CCSER1: variants seen among roughly 807,000 people sequenced by gnomAD.
The protein encoded by CCSER1 is coiled-coil serine rich protein 1, also known as serine-rich coiled-coil domain-containing protein 1.
In CCSER1, 41 loss-of-function variants were observed where a neutral mutation model predicts 82.0. The observed-to-expected ratio is 0.50, with a 90% CI of 0.39 to 0.65. The LOEUF (loss-of-function observed/expected upper bound fraction) is 0.65. Ranked by LOEUF, CCSER1 falls within the 30% of genes least tolerant of loss-of-function variation. The probability of loss-of-function intolerance (pLI) is 0.00; values close to 1 mark genes in which losing one functional copy is unlikely to be tolerated. For missense variants in CCSER1, 1,119 were observed against 1,064.2 expected, an observed-to-expected ratio of 1.05 and a Z score of -0.72; for synonymous variants, 414 against 383.9, an observed-to-expected ratio of 1.08 and a Z score of -0.92.
At chr4:91,247,478 T>C (rs934435159) in intron 10 of CCSER1, among the ~76,000 whole-genome samples, 6 of 152,204 alleles carry the variant, frequency 3.9e-5, no homozygotes, top group South Asian at 4.1e-4. Context: ...GACACACATA[T>C]ATTTCCTCGG....
At chr4:91,280,181 C>T (rs1742807742) in intron 10 of CCSER1, among the ~76,000 whole-genome samples, 1 of 152,202 alleles carries the variant, frequency 6.6e-6, no homozygotes, top group South Asian at 2.1e-4. Context: ...AGCAGTAATG[C>T]TGGCACCAGT....
At chr4:90,686,212 A>G (rs6856591) in intron 6 of CCSER1, among the ~76,000 whole-genome samples, 117,910 of 151,910 alleles carry the variant, frequency 0.78, 45,917 homozygotes, top group Middle Eastern at 0.81. Context: ...TCAGAGCTTC[A>G]TCCACCCCTC....
intron 9 of CCSER1, among the ~76,000 whole-genome samples, chr4:91,006,296 G>A (rs1023784479): frequency 6.6e-6 from 1 of 150,632 alleles, no homozygotes; most frequent in Non-Finnish European, 1.5e-5. Context: ...TTTTTTTTGT[G>A]TGCTATCAGC....
At chr4:91,490,980 C>CA (rs1175820130) in intron 10 of CCSER1, among the ~76,000 whole-genome samples, 7 of 119,202 alleles carry the variant, frequency 5.9e-5, no homozygotes, top group Non-Finnish European at 8.6e-5. Context: ...AAAAAATAAG[C>CA]AAAAAGGCCA....
At chr4:90,498,672 A>C (rs1283760276) in intron 5 of CCSER1, among the ~76,000 whole-genome samples, 1 of 152,168 alleles carries the variant, frequency 6.6e-6, no homozygotes, top group Non-Finnish European at 1.5e-5. Context: ...TTAGATGATA[A>C]AAATTCTAAG....
rs181117738 is a variant in CCSER1, at chr4:90,886,447, A to G, written c.2095-36923A>G. ...GAAATGCCTGTCACTGTTTCAGTGA[A>G]TTTTAAACACCATTGGGGGAGAAAA... On this transcript the variant is annotated intron_variant, in intron 8 of 10. Transcript: ENST00000509176. Among the ~76,000 whole-genome samples, 18 of 152,310 alleles carry G rather than the reference A, an allele frequency of 1.2e-4. No individual in the cohort carries two copies. In the East Asian group the frequency reaches 3.1e-3, roughly 26 times the overall value.
chr4:90,694,797 G>GGTGTGTGT (rs112192037), intron 6 of CCSER1, among the ~76,000 whole-genome samples: 9,637 of 145,340 alleles, frequency 0.066, 337 homozygotes, highest in Admixed American at 0.11. Flanking sequence ...GTGTGTGTGG[G>GGTGTGTGT]GTGTGTGTGT....
chr4:90,897,052 A>T lies in CCSER1; in HGVS notation c.2095-26318A>T, dbSNP rs796369936. Among the ~76,000 whole-genome samples, 12 of 152,096 alleles carry T rather than the reference A, an allele frequency of 7.9e-5. No homozygotes were observed. The South Asian group carries it at 2.1e-3, about 26-fold the overall frequency. ...TTTTCCTTTTTTCTCTGAAAATTGT[A>T]TTTCAATTGAATTTTGTTTTATATT... On this transcript the variant is annotated intron_variant, in intron 8 of 10. Transcript: ENST00000509176.
intron 7 of CCSER1, among the ~76,000 whole-genome samples, chr4:90,787,189 A>C (rs768344762): frequency 6.6e-5 from 10 of 152,142 alleles, no homozygotes; most frequent in Non-Finnish European, 1.0e-4. Flanking sequence ...TTCCTCCAGG[A>C]TATGAGGTGG....
chr4:90,756,620 T>C (rs1749573512), intron 7 of CCSER1, among the ~76,000 whole-genome samples: 1 of 152,202 alleles, frequency 6.6e-6, no homozygotes, highest in African/African-American at 2.4e-5. Context: ...CTAATTTTAA[T>C]TTTGATATAT....
intron 1 of CCSER1, among the ~76,000 whole-genome samples, chr4:90,195,750 A>G (rs79700383): frequency 6.6e-6 from 1 of 152,084 alleles, no homozygotes; most frequent in Admixed American, 6.6e-5. Flanking sequence ...TATCATGTCA[A>G]CAAAGAGATA....
At chr4:91,569,638 G>A (rs941472701) in intron 10 of CCSER1, among the ~76,000 whole-genome samples, 1 of 152,056 alleles carries the variant, frequency 6.6e-6, no homozygotes. Flanking sequence ...CAGATCTCAT[G>A]AGAACTCACT....
chr4:91,501,679 G>A (rs1015067751), intron 10 of CCSER1, among the ~76,000 whole-genome samples: 13 of 151,762 alleles, frequency 8.6e-5, no homozygotes, highest in African/African-American at 3.1e-4. Flanking sequence ...CTTTTAACAT[G>A]TTATTTTTTC....
intron 8 of CCSER1, among the ~76,000 whole-genome samples, chr4:90,914,978 C>A (rs1163526514): frequency 6.6e-6 from 1 of 152,096 alleles, no homozygotes; most frequent in Non-Finnish European, 1.5e-5. Flanking sequence ...GAAGGTGAAT[C>A]TCTGAATAGA....
intron 3 of CCSER1, among the ~76,000 whole-genome samples, chr4:90,315,597 C>T (rs923472017): frequency 1.3e-5 from 2 of 151,996 alleles, no homozygotes; most frequent in East Asian, 1.9e-4. Context: ...CTCCCCTCCC[C>T]GGTTCAAGTG....
chr4:90,945,799 C>T (rs879701251), intron 9 of CCSER1, among the ~76,000 whole-genome samples: 1 of 152,202 alleles, frequency 6.6e-6, no homozygotes, highest in Non-Finnish European at 1.5e-5. Context: ...CTCTAAATCA[C>T]TCTACAGTTC....
chr4:91,462,842 G>T (rs184372367), intron 10 of CCSER1, among the ~76,000 whole-genome samples: 1 of 152,156 alleles, frequency 6.6e-6, no homozygotes, highest in Non-Finnish European at 1.5e-5. Flanking sequence ...GGCTTGAGTA[G>T]GTAAACAAAG....
chr4:90,177,823 C>G (rs577342791), intron 1 of CCSER1, among the ~76,000 whole-genome samples: 1 of 152,168 alleles, frequency 6.6e-6, no homozygotes, highest in East Asian at 1.9e-4. Context: ...AAGCACGATG[C>G]ACAGCTCTGG....
intron 10 of CCSER1, among the ~76,000 whole-genome samples, chr4:91,167,914 CCG>C: frequency 6.7e-6 from 1 of 149,264 alleles, no homozygotes; most frequent in East Asian, 2.1e-4. Context: ...GGCCGCCACC[CCG>C]TCTGGGAAGT....
Sources: allele counts gnomAD v4.1 joint callset (sites outside exome capture counted in the v4.1 genomes callset), GRCh38; gene constraint gnomAD v4.1.1; transcripts MANE v1.5; gene names NCBI Gene and HGNC (gene_info 2026-07-23, HGNC 2026-07-21).